The following ATP1A1 variants were observed in gnomAD, a reference collection of about 807,000 sequenced individuals.
ATP1A1 encodes the protein ATPase Na+/K+ transporting subunit alpha 1.
In ATP1A1, 14 loss-of-function variants were observed where a neutral mutation model predicts 114.8. The observed-to-expected ratio is 0.12, with a 90% CI of 0.08 to 0.19. The LOEUF is 0.19. Among genes scored for constraint, ATP1A1 ranks in the 10% least tolerant of loss-of-function variants. ATP1A1 has a pLI of 1.00. For missense variants in ATP1A1, 524 were observed against 1,290.7 expected (o/e 0.41, Z 9.10); for synonymous variants, 471 against 466.3 (o/e 1.01, Z -0.13).
At position 116,399,087 on chromosome 1, in the gene ATP1A1, G is replaced by A. The variant is rs763917443; in HGVS notation, c.2448+3G>A. ...GCATTGACTTGGGCACTGACATGGT[G>A]AGTGTCACAACAGTCACAGATCGAT... is the stretch of plus-strand genomic sequence containing the variant. On this transcript the variant is annotated splice_donor_region_variant and intron_variant, in intron 17 of 22. Coordinates refer to ENST00000295598, the MANE Select transcript of ATP1A1 (RefSeq NM_000701.8). This position sits in a 1 kb window ranked among gnomAD's most constrained non-coding sequence, Gnocchi z 5.0. The A allele has an allele frequency of 2.5e-6, 4 of 1,614,138 alleles. No individual in the cohort carries two copies. The highest frequency in any genetic ancestry group is 2.5e-6 in the Non-Finnish European group (3 of 1,180,032).
At chr1:116,390,531 T>G (rs1652375620) in intron 9 of ATP1A1, 120 bp downstream of exon 9, 10 of 1,035,638 alleles carry the variant, frequency 9.7e-6, no homozygotes, top group African/African-American at 2.1e-5. Context: ...TTTTCTTTCT[T>G]TTTTGTTTTT....
At chr1:116,374,034 C>T (rs1295814834) in intron 1 of ATP1A1, 4 of 1,408,564 alleles carry the variant, frequency 2.8e-6, no homozygotes, top group Non-Finnish European at 3.7e-6. Flanking sequence ...TCCTCCCGGG[C>T]CTCCGTTCCC....
intron 1 of ATP1A1, among the ~76,000 whole-genome samples, chr1:116,383,168 G>A (rs993823166): frequency 2.0e-5 from 3 of 152,132 alleles, no homozygotes; most frequent in African/African-American, 4.8e-5. Flanking sequence ...TAATGCACAC[G>A]CTTTTCCTAC....
chr1:116,384,686 T>C lies in ATP1A1; in HGVS notation c.124-97T>C. The C allele has an allele frequency of 9.1e-7, 1 of 1,095,800 alleles. No individual in the cohort carries two copies. Among genetic ancestry groups the C allele is most frequent in the Non-Finnish European group, 1.3e-6 (1 of 752,614 alleles). 67.9% of individuals were successfully genotyped at this position (1,095,800 alleles called of 1,614,324 possible). A position where few individuals can be genotyped will look rare whatever the true frequency, so the allele number is the denominator to read the frequency against. On this transcript the variant is annotated intron_variant, in intron 2 of 22. Coordinates refer to ENST00000295598, the MANE Select transcript of ATP1A1 (RefSeq NM_000701.8). This position sits in a 1 kb window ranked among gnomAD's most constrained non-coding sequence, Gnocchi z 5.1. ...CTGAAGAAAACATCTGCACTTTGTT[T>C]AATAAGCTTAATGATAGTAATGAAT...
intron 1 of ATP1A1, among the ~76,000 whole-genome samples, chr1:116,378,346 T>C (rs868314019): frequency 2.6e-4 from 40 of 152,358 alleles, no homozygotes; most frequent in African/African-American, 8.9e-4. Context: ...ATGAAATATA[T>C]CTGCACGTGA....
rs781044528 is a variant in ATP1A1 at position 116,404,258 on chromosome 1, A to G, written c.3044-158A>G. Among the ~76,000 whole-genome samples, 24 of 152,152 alleles carry G rather than the reference A, an allele frequency of 1.6e-4. No homozygotes were observed. The highest frequency in any genetic ancestry group is 2.0e-4 in the Admixed American group (3 of 15,280). On this transcript the variant is annotated intron_variant, in intron 22 of 22. Coordinates refer to ENST00000295598, the MANE Select transcript of ATP1A1 (RefSeq NM_000701.8). This position sits in a 1 kb window ranked among gnomAD's most constrained non-coding sequence, Gnocchi z 4.8. ...TTTCCAGGTAACTTGGTATTCCTAAAAACATGTAAATAAGTACAGTTGAGG... is the reference window on the plus strand; with the variant it reads ...TTTCCAGGTAACTTGGTATTCCTAAGAACATGTAAATAAGTACAGTTGAGG...
intron 1 of ATP1A1, chr1:116,373,899 A>G (rs1651170374): frequency 1.5e-6 from 2 of 1,294,766 alleles, no homozygotes; most frequent in South Asian, 4.3e-5. Flanking sequence ...CTGAGCCGGC[A>G]TCCCTGAGCC....
In ATP1A1 at chr1:116,403,918, C is replaced by T. The variant is rs1653755253; in HGVS notation, c.2986C>T (p.Leu996Phe). 1 of 1,614,110 alleles carries T rather than the reference C, an allele frequency of 6.2e-7. No individual in the cohort carries two copies. The highest frequency in any genetic ancestry group is 8.5e-7 in the Non-Finnish European group (1 of 1,180,038). The stretch of plus-strand genomic sequence containing the variant: ...GTGGTTCTGTGCCTTCCCCTACTCT[C>T]TTCTCATCTTCGTATATGACGAAGT... ...TWWFCAFPYS[L>F]LIFVYDEVRK... Residue 996 changes from leucine to phenylalanine, a missense_variant, in exon 22 of 23, where the codon CTT becomes TTT. By Grantham distance (22) the Leu-to-Phe change is conservative. Around this residue, in one of 8 missense-constraint regions of ATP1A1, gnomAD observed 84 missense variants for 209.3 expected, o/e 0.40. Transcript: ENST00000295598.
chr1:116,401,395 G>T lies in ATP1A1; in HGVS notation c.2849+135G>T. On this transcript the variant is annotated intron_variant, in intron 20 of 22. Coordinates refer to ENST00000295598, the MANE Select transcript of ATP1A1 (RefSeq NM_000701.8). This position sits in a 1 kb window ranked among gnomAD's most constrained non-coding sequence, Gnocchi z 4.7. ...TCTCTAGTTTATAGAGCAAATTTAG[G>T]AAGCAAGAAATGTAGCTTTCTAGTT... is the stretch of plus-strand genomic sequence containing the variant. 6.7e-7 allele frequency: 1 copy of T among 1,497,704 alleles called. No homozygotes were observed. Among genetic ancestry groups the T allele is most frequent in the Non-Finnish European group, 9.1e-7 (1 of 1,103,812 alleles). The allele number at this position is 1,497,704 out of a possible 1,614,324, so 92.8% of individuals were successfully genotyped here.
Position 116,387,519 on chromosome 1 carries a change from T to TCTGA in ATP1A1, c.387+28_387+29insCTGA. The stretch of plus-strand genomic sequence containing the variant: ...GAGTTCTGTAATTCAGCATATGGAT[T>TCTGA]TGTAGTACACATCAGATATCTTCTC... On this transcript the variant is annotated intron_variant, in intron 4 of 22. Transcript: ENST00000295598. The surrounding 1 kb of genome is among the most constrained non-coding windows in gnomAD (Gnocchi z 6.7). 5 of 1,608,440 alleles carry TCTGA rather than the reference T, an allele frequency of 3.1e-6. No individual in the cohort carries two copies. Among genetic ancestry groups the TCTGA allele is most frequent in the Non-Finnish European group, 4.3e-6 (5 of 1,175,092 alleles).
rs181326085 is a variant in ATP1A1, at chr1:116,396,501, C to T, written c.1837-97C>T. 38 of 1,444,266 alleles carry T rather than the reference C, an allele frequency of 2.6e-5. No individual in the cohort carries two copies. In the East Asian group the frequency reaches 4.2e-4, roughly 16 times the overall value. 89.5% of individuals were successfully genotyped at this position (1,444,266 alleles called of 1,614,324 possible). A position where few individuals can be genotyped will look rare whatever the true frequency, so the allele number is the denominator to read the frequency against. On this transcript the variant is annotated intron_variant, in intron 13 of 22. Coordinates refer to ENST00000295598, the MANE Select transcript of ATP1A1 (RefSeq NM_000701.8). ...TTCCTTTCCTTTTGATAGTCTAAGC[C>T]GAATCATCCTTAGTATTTACTCTTG...
intron 1 of ATP1A1, chr1:116,382,660 T>C (rs916138395): frequency 6.6e-6 from 1 of 152,200 alleles, no homozygotes; most frequent in African/African-American, 2.4e-5. Context: ...CCTTGGAGTC[T>C]TAAGAGGATA....
In ATP1A1 at chr1:116,374,386, A is replaced by G; in HGVS notation, c.12+863A>G. ...CTGAAGGAGGATAGGCAGACCCACC[A>G]GGGCCTCAGGGTACAAGAAACCCGA... is the stretch of plus-strand genomic sequence containing the variant. On this transcript the variant is annotated intron_variant, in intron 1 of 22. Transcript: ENST00000295598. 3 of 1,200,902 alleles carry G rather than the reference A, an allele frequency of 2.5e-6. No homozygotes were observed. In the South Asian group the frequency reaches 4.1e-5, roughly 16 times the overall value. The allele number at this position is 1,200,902 out of a possible 1,614,324, so 74.4% of individuals were successfully genotyped here. A position where few individuals can be genotyped will look rare whatever the true frequency, so the allele number is the denominator to read the frequency against.
In ATP1A1 at chr1:116,384,280, C is replaced by T. The variant is rs1207189008; in HGVS notation, c.123+156C>T. The stretch of plus-strand genomic sequence containing the variant: ...TCTAGTCGTAGAGGTTAATGTTGAA[C>T]ATATACTTTTTAAAAGCTGTTAGAG... On this transcript the variant is annotated intron_variant, in intron 2 of 22. Transcript: ENST00000295598. The surrounding 1 kb of genome is among the most constrained non-coding windows in gnomAD (Gnocchi z 5.1). Among the ~76,000 whole-genome samples, 4 of 152,124 alleles carry T rather than the reference C, an allele frequency of 2.6e-5. No individual in the cohort carries two copies. The highest frequency in any genetic ancestry group is 9.7e-5 in the African/African-American group (4 of 41,410).
chr1:116,388,603 G>A lies in ATP1A1; in HGVS notation c.502-35G>A, dbSNP rs10924077. ...TTTGGACACTACCTTCTCTTTGTTG[G>A]TATACTAACGGTGTAAATTGTTTCT... is the stretch of plus-strand genomic sequence containing the variant. On this transcript the variant is annotated intron_variant, in intron 5 of 22. Coordinates refer to ENST00000295598, the MANE Select transcript of ATP1A1 (RefSeq NM_000701.8). The surrounding 1 kb of genome is among the most constrained non-coding windows in gnomAD (Gnocchi z 5.6). 0.027 allele frequency: 43,545 copies of A among 1,606,510 alleles called. 6,611 individuals are homozygous for A. The African/African-American group carries it at 0.4, about 15-fold the overall frequency.
intron 3 of ATP1A1, among the ~76,000 whole-genome samples, chr1:116,386,471 G>T (rs1652103102): frequency 6.6e-6 from 1 of 152,116 alleles, no homozygotes; most frequent in Non-Finnish European, 1.5e-5. Flanking sequence ...TCAGTTCCTG[G>T]CATGTAGATA....
chr1:116,399,348 T>C lies in ATP1A1; in HGVS notation c.2449-72T>C. ...TTTTTAAATGGGAGGGCAAGAATTT[T>C]ATAACAAAAGGTTCACAATATTAGC... is the stretch of plus-strand genomic sequence containing the variant. On this transcript the variant is annotated intron_variant, in intron 17 of 22. Coordinates refer to ENST00000295598, the MANE Select transcript of ATP1A1 (RefSeq NM_000701.8). This position sits in a 1 kb window ranked among gnomAD's most constrained non-coding sequence, Gnocchi z 5.0. 1 of 1,544,894 alleles carries C rather than the reference T, an allele frequency of 6.5e-7. No homozygotes were observed. The highest frequency in any genetic ancestry group is 8.7e-7 in the Non-Finnish European group (1 of 1,145,624).
At position 116,401,466 on chromosome 1, in the gene ATP1A1, A is replaced by C. The variant is rs1653472516; in HGVS notation, c.2850-88A>C. The C allele has an allele frequency of 6.9e-7, 1 of 1,457,674 alleles. No individual in the cohort carries two copies. The allele number at this position is 1,457,674 out of a possible 1,614,324, so 90.3% of individuals were successfully genotyped here. A position where few individuals can be genotyped will look rare whatever the true frequency, so the allele number is the denominator to read the frequency against. On this transcript the variant is annotated intron_variant, in intron 20 of 22. Coordinates refer to ENST00000295598, the MANE Select transcript of ATP1A1 (RefSeq NM_000701.8). This position sits in a 1 kb window ranked among gnomAD's most constrained non-coding sequence, Gnocchi z 4.7. ...TTTCAAGTACAGCTAATACATAAAG[A>C]TGTTGATCTGCCATTTTAATGCATA...
chr1:116,384,274 G>A lies in ATP1A1; in HGVS notation c.123+150G>A, dbSNP rs565362670. The A allele has an allele frequency of 9.4e-4, 636 of 677,612 alleles. 7 individuals carry two copies. In the South Asian group the frequency reaches 0.012, roughly 12 times the overall value. 42.0% of individuals were successfully genotyped at this position (677,612 alleles called of 1,614,324 possible). ...ATCTCATCTAGTCGTAGAGGTTAAT[G>A]TTGAACATATACTTTTTAAAAGCTG... On this transcript the variant is annotated intron_variant, in intron 2 of 22. Transcript: ENST00000295598. The surrounding 1 kb of genome is among the most constrained non-coding windows in gnomAD (Gnocchi z 5.1).
Sources: allele counts gnomAD v4.1 joint callset (sites outside exome capture counted in the v4.1 genomes callset), GRCh38; gene constraint gnomAD v4.1.1; regional missense constraint gnomAD v4.1.1; non-coding constraint Gnocchi (gnomAD v3.1); transcripts MANE v1.5; gene names NCBI Gene and HGNC (gene_info 2026-07-23, HGNC 2026-07-21).